The following KIF3B variants were observed in gnomAD, a reference collection of about 807,000 sequenced individuals.
KIF3B encodes kinesin family member 3B.
KIF3B carries 38 observed loss-of-function variants against 74.3 expected under a neutral mutation model. The observed-to-expected ratio is 0.51, with a 90% CI of 0.39 to 0.67. The LOEUF (loss-of-function observed/expected upper bound fraction) is 0.67, where lower values mean the gene tolerates loss of function less well. Ranked by LOEUF, KIF3B falls within the 30% of genes least tolerant of loss-of-function variation. The pLI is 0.00. For synonymous variants in KIF3B, 326 were observed against 342.5 expected (o/e 0.95, Z 0.53); for missense variants, 649 against 932.0 (o/e 0.70, Z 3.95).
chr20:32,316,739 C>A lies in KIF3B; in HGVS notation c.1630-17C>A. ...TTGGACAGACACCCTCCTCACCTGC[C>A]TCTCCCCTCATTCCAGCTCTTCTCC... On this transcript the variant is annotated splice_polypyrimidine_tract_variant and intron_variant, in intron 4 of 8. Transcript: ENST00000375712. 1 of 1,613,150 alleles carries A rather than the reference C, an allele frequency of 6.2e-7. No homozygotes were observed. The highest frequency in any genetic ancestry group is 2.2e-5 in the East Asian group (1 of 44,876).
intron 2 of KIF3B, among the ~76,000 whole-genome samples, chr20:32,311,411 T>C (rs1385768208): frequency 2.0e-5 from 3 of 152,112 alleles, no homozygotes; most frequent in Non-Finnish European, 4.4e-5. Context: ...AATTATTATG[T>C]ATGCACATAG....
chr20:32,309,273 T>A (rs563431279), intron 1 of KIF3B, among the ~76,000 whole-genome samples: 28 of 151,342 alleles, frequency 1.9e-4, no homozygotes, highest in African/African-American at 6.6e-4. Flanking sequence ...ACTCAAGTGA[T>A]CCTCTGGCTT....
chr20:32,319,685 A>G (rs2047849115), intron 5 of KIF3B, among the ~76,000 whole-genome samples: 1 of 146,750 alleles, frequency 6.8e-6, no homozygotes. Flanking sequence ...TCCTGGGTTC[A>G]AGCGATTCTC....
At chr20:32,279,523 T>C (rs963664499) in intron 1 of KIF3B, among the ~76,000 whole-genome samples, 1 of 151,060 alleles carries the variant, frequency 6.6e-6, no homozygotes, top group African/African-American at 2.4e-5. Context: ...TGGAGTGCAA[T>C]GGTGCCATCT....
At chr20:32,331,115 C>A in intron 8 of KIF3B, 108 bp from the exon 9 acceptor site, 1 of 812,866 alleles carries the variant, frequency 1.2e-6, no homozygotes, top group South Asian at 1.5e-5. Flanking sequence ...TTGAACTTGT[C>A]GTTTTCAGGC....
intron 5 of KIF3B, among the ~76,000 whole-genome samples, chr20:32,324,406 A>T (rs1600438644): frequency 6.6e-6 from 1 of 152,172 alleles, no homozygotes; most frequent in African/African-American, 2.4e-5. Flanking sequence ...TCACACCCGG[A>T]GTCTGATTCA....
In KIF3B at chr20:32,309,291, C is replaced by T. The variant is rs114829389; in HGVS notation, c.-65-422C>T. ...CAAGTGATCCTCTGGCTTCAGCCTCCTAAAATGCTGGGATTACAGATGTGA... is the reference window on the plus strand; with the variant it reads ...CAAGTGATCCTCTGGCTTCAGCCTCTTAAAATGCTGGGATTACAGATGTGA... On this transcript the variant is annotated intron_variant, in intron 1 of 8. Coordinates refer to ENST00000375712, the MANE Select transcript of KIF3B (RefSeq NM_004798.4). 1.9e-3 allele frequency among the ~76,000 whole-genome samples: 289 copies of T among 151,842 alleles called. 1 individual carries two copies. Among genetic ancestry groups the T allele is most frequent in the African/African-American group, 6.8e-3 (283 of 41,334 alleles).
intron 1 of KIF3B, among the ~76,000 whole-genome samples, chr20:32,291,440 A>G (rs2047690758): frequency 6.6e-6 from 1 of 152,002 alleles, no homozygotes. Context: ...ATAACCTTCC[A>G]TGCACCCCAC....
intron 8 of KIF3B, 56 bp downstream of exon 8, chr20:32,330,375 C>T: frequency 6.7e-7 from 1 of 1,491,170 alleles, no homozygotes. Context: ...AAGGACAAAC[C>T]AAAGCAAGAA....
chr20:32,331,253 C>T lies in KIF3B; in HGVS notation c.2178C>T (p.Ser726=), dbSNP rs769861420. 7.6e-5 allele frequency: 123 copies of T among 1,613,452 alleles called. No individual in the cohort carries two copies. The Admixed American group carries it at 2.0e-3, about 26-fold the overall frequency. Residue 726 remains serine, a synonymous_variant, in exon 9 of 9, where the codon TCC becomes TCT. Transcript: ENST00000375712. ...RPKSGRKSGS[S]SSSSGTPASQ... Reference sequence around the variant, plus strand: ...AAAGTGGAAGGAAGTCGGGATCCTCCTCCTCTTCCTCAGGAACCCCTGCAT... The same window carrying T: ...AAAGTGGAAGGAAGTCGGGATCCTCTTCCTCTTCCTCAGGAACCCCTGCAT...
At chr20:32,326,462 C>G (rs1220926452) in intron 5 of KIF3B, among the ~76,000 whole-genome samples, 2 of 152,148 alleles carry the variant, frequency 1.3e-5, no homozygotes, top group African/African-American at 4.8e-5. Flanking sequence ...TCACCTCCCT[C>G]TTGAGCCTGT....
intron 1 of KIF3B, among the ~76,000 whole-genome samples, chr20:32,293,781 A>G (rs1321264215): frequency 6.6e-6 from 1 of 152,100 alleles, no homozygotes; most frequent in Non-Finnish European, 1.5e-5. Flanking sequence ...TGTTAGGAAG[A>G]TTTACATGTT....
At chr20:32,282,273 G>T (rs1374515610) in intron 1 of KIF3B, among the ~76,000 whole-genome samples, 1 of 152,064 alleles carries the variant, frequency 6.6e-6, no homozygotes, top group African/African-American at 2.4e-5. Flanking sequence ...CAGGATGGCG[G>T]GATGAGGGTG....
intron 7 of KIF3B, among the ~76,000 whole-genome samples, chr20:32,328,758 C>T (rs1445638611): frequency 6.6e-6 from 1 of 152,068 alleles, no homozygotes; most frequent in African/African-American, 2.4e-5. Context: ...ATGGACCTGT[C>T]GTAAAGAACT....
At position 32,306,153 on chromosome 20, in the gene KIF3B, G is replaced by C. The variant is rs559985601; in HGVS notation, c.-65-3560G>C. Among the ~76,000 whole-genome samples, 19 of 151,220 alleles carry C rather than the reference G, an allele frequency of 1.3e-4. 1 individual carries two copies. In the South Asian group the frequency reaches 4.0e-3, roughly 32 times the overall value. ...CTCATGCCTGTAATCCCAGCACTTT[G>C]GGAGGCCGAGGCAGGCCAGTCATGA... On this transcript the variant is annotated intron_variant, in intron 1 of 8. Coordinates refer to ENST00000375712, the MANE Select transcript of KIF3B (RefSeq NM_004798.4).
At chr20:32,321,371 G>C (rs13036629) in intron 5 of KIF3B, among the ~76,000 whole-genome samples, 4,689 of 151,730 alleles carry the variant, frequency 0.031, 113 homozygotes, top group Non-Finnish European at 0.046. Flanking sequence ...GTAGGTTGCA[G>C]TGAGCTGAGA....
chr20:32,306,471 C>T (rs1049719828), intron 1 of KIF3B, among the ~76,000 whole-genome samples: 1 of 151,656 alleles, frequency 6.6e-6, no homozygotes, highest in Non-Finnish European at 1.5e-5. Context: ...TATTTGCACA[C>T]ATTTTGCACA....
At chr20:32,279,343 A>T (rs1203181820) in intron 1 of KIF3B, among the ~76,000 whole-genome samples, 1 of 152,190 alleles carries the variant, frequency 6.6e-6, no homozygotes, top group Non-Finnish European at 1.5e-5. Context: ...TTATAAGGCC[A>T]CAGGGGTATT....
chr20:32,297,009 G>T (rs2047720081), intron 1 of KIF3B, among the ~76,000 whole-genome samples: 1 of 152,140 alleles, frequency 6.6e-6, no homozygotes. Context: ...TGATGGTGAT[G>T]AGGTGGATAC....
Sources: allele counts gnomAD v4.1 joint callset (sites outside exome capture counted in the v4.1 genomes callset), GRCh38; gene constraint gnomAD v4.1.1; transcripts MANE v1.5; gene names NCBI Gene and HGNC (gene_info 2026-07-23, HGNC 2026-07-21).